Variants in BLOC1S3 observed in about 807,000 individuals in gnomAD.
BLOC1S3 encodes biogenesis of lysosome-related organelles complex 1 subunit 3.
A neutral mutation model predicts 9.1 loss-of-function variants in BLOC1S3; 7 were observed. The ratio of observed to expected loss-of-function variants is 0.77; its 90% confidence interval spans 0.44 to 1.45. BLOC1S3 has a LOEUF of 1.45. Ranked by LOEUF, BLOC1S3 falls within the 40% of genes most tolerant of loss-of-function variation. The pLI is 0.01. For missense variants in BLOC1S3, 307 were observed against 315.2 expected (o/e 0.97, Z 0.20); for synonymous variants, 145 against 158.4 (o/e 0.92, Z 0.64).
Position 45,179,411 on chromosome 19 carries a change from C to G in BLOC1S3, c.115C>G (p.Leu39Val). 6.4e-7 allele frequency: 1 copy of G among 1,563,908 alleles called. No homozygotes were observed. Among genetic ancestry groups the G allele is most frequent in the Non-Finnish European group, 8.6e-7 (1 of 1,162,706 alleles). Residue 39 changes from leucine (L) to valine (V), a missense_variant, in exon 2 of 2, where the codon CTG (leucine) becomes GTG (valine). Transcript: ENST00000433642. The surrounding 1 kb of genome is among the most constrained non-coding windows in gnomAD (Gnocchi z 4.6). ...TGCGTCCTCGTCGGAGGAGGAGGAG[C>G]TGTACCTGGGTCCTTCGGGCCCGAC... ...RSASSSEEEE[L>V]YLGPSGPTRG...
intron 3 of BLOC1S3, among the ~76,000 whole-genome samples, chr19:45,206,353 CAAAA>C (rs529931068): frequency 0.01 from 869 of 83,888 alleles, 8 homozygotes; most frequent in African/African-American, 0.03. Flanking sequence ...GTGAAACTCT[CAAAA>C]AAAAAAAAAA....
intron 3 of BLOC1S3, among the ~76,000 whole-genome samples, chr19:45,212,285 C>T (rs920870047): frequency 1.3e-5 from 2 of 152,230 alleles, no homozygotes; most frequent in Non-Finnish European, 2.9e-5. Context: ...CCCAGCCCGG[C>T]CTTGGGTGTG....
rs1054281226 is a variant in BLOC1S3, at chr19:45,206,450, G to GTTTTTTTTTTTT, written n.282+3955_282+3966dup. On this transcript the variant is annotated intron_variant and non_coding_transcript_variant, in intron 3 of 3. Coordinates refer to the BLOC1S3 transcript ENST00000591569. Reference sequence around the variant, plus strand: ...TTCCACCTTCTTTTGGATTAATCAAGTTTTTTTTTTTTTTTTTTTTTTTGA... The same window carrying GTTTTTTTTTTTT: ...TTCCACCTTCTTTTGGATTAATCAAGTTTTTTTTTTTTTTTTTTTTTTTTTTTTTTTTTTTGA... Among the ~76,000 whole-genome samples the GTTTTTTTTTTTT allele has an allele frequency of 8.5e-4, 47 of 55,132 alleles. 12 individuals are homozygous for GTTTTTTTTTTTT. The highest frequency in any genetic ancestry group is 3.9e-3 in the African/African-American group (41 of 10,610). 36.2% of individuals were successfully genotyped at this position (55,132 alleles called of 152,430 possible). A position where few individuals can be genotyped will look rare whatever the true frequency, so the allele number is the denominator to read the frequency against.
chr19:45,215,971 G>A (rs1015500192), intron 3 of BLOC1S3: 24 of 1,502,300 alleles, frequency 1.6e-5, no homozygotes, highest in South Asian at 5.0e-5. Context: ...CACGCTCACC[G>A]GCTCCCTCCC....
intron 2 of BLOC1S3, among the ~76,000 whole-genome samples, chr19:45,194,050 T>G (rs371372733): frequency 5.2e-5 from 7 of 135,122 alleles, no homozygotes; most frequent in South Asian, 2.5e-4. Flanking sequence ...CGATCCGCCC[T>G]CCTTGGCCTC....
intron 3 of BLOC1S3, among the ~76,000 whole-genome samples, chr19:45,208,584 A>G (rs956406168): frequency 6.6e-6 from 1 of 151,998 alleles, no homozygotes; most frequent in South Asian, 2.1e-4. Context: ...GTGAAACACC[A>G]TCTCTACTAA....
chr19:45,209,821 T>TC (rs921481077), intron 3 of BLOC1S3, among the ~76,000 whole-genome samples: 105 of 152,180 alleles, frequency 6.9e-4, no homozygotes, highest in African/African-American at 2.4e-3. Context: ...AACCTCTGCC[T>TC]CCCGGGTTCA....
intron 2 of BLOC1S3, among the ~76,000 whole-genome samples, chr19:45,197,893 C>T (rs1457465053): frequency 2.0e-5 from 3 of 150,732 alleles, no homozygotes; most frequent in Non-Finnish European, 4.4e-5. Context: ...AATCTCTAGC[C>T]AGCCCTCCTG....
At chr19:45,199,411 G>A (rs1249174267) in intron 2 of BLOC1S3, among the ~76,000 whole-genome samples, 4 of 147,012 alleles carry the variant, frequency 2.7e-5, no homozygotes, top group Non-Finnish European at 6.0e-5. Flanking sequence ...CGCCTCCCGG[G>A]TTCAAGCAAT....
chr19:45,192,611 A>G (rs1969614697), intron 2 of BLOC1S3, among the ~76,000 whole-genome samples: 1 of 152,108 alleles, frequency 6.6e-6, no homozygotes, highest in Admixed American at 6.6e-5. Flanking sequence ...CTGATTATTC[A>G]AGGGTCCTTT....
chr19:45,192,119 T>A (rs1351236014), intron 2 of BLOC1S3, among the ~76,000 whole-genome samples: 1 of 152,156 alleles, frequency 6.6e-6, no homozygotes, highest in Admixed American at 6.5e-5. Context: ...CTACTGTGGC[T>A]GAGCTGGCAC....
In BLOC1S3 at chr19:45,179,427, C is replaced by G; in HGVS notation, c.131C>G (p.Ser44Trp). The change falls in exon 2 of 2, where the codon TCG becomes TGG. Residue 44 changes from serine to tryptophan, a missense_variant. By Grantham distance (177) the Ser-to-Trp change is radical (BLOSUM62 -3). Coordinates refer to ENST00000433642, the MANE Select transcript of BLOC1S3 (RefSeq NM_212550.5). The surrounding 1 kb of genome is among the most constrained non-coding windows in gnomAD (Gnocchi z 4.6). Reference protein sequence around the residue: ...SEEEELYLGPSGPTRGRPTGL... With the variant: ...SEEEELYLGPWGPTRGRPTGL... ...GAGGAGGAGCTGTACCTGGGTCCTT[C>G]GGGCCCGACGCGCGGCCGCCCCACG... The G allele has an allele frequency of 6.5e-7, 1 of 1,534,042 alleles. No homozygotes were observed. Among genetic ancestry groups the G allele is most frequent in the Non-Finnish European group, 8.7e-7 (1 of 1,147,276 alleles).
At chr19:45,200,116 T>C (rs1444658290) in intron 2 of BLOC1S3, among the ~76,000 whole-genome samples, 2 of 152,066 alleles carry the variant, frequency 1.3e-5, no homozygotes, top group East Asian at 1.9e-4. Context: ...ATTCTTCAGG[T>C]TGATCAATTC....
chr19:45,200,920 G>A (rs1274568124), intron 2 of BLOC1S3, among the ~76,000 whole-genome samples: 1 of 152,208 alleles, frequency 6.6e-6, no homozygotes, highest in Non-Finnish European at 1.5e-5. Context: ...TAGAGGTGCT[G>A]GCCAGGCGCA....
intron 3 of BLOC1S3, among the ~76,000 whole-genome samples, chr19:45,206,225 C>T (rs1487823197): frequency 3.3e-5 from 5 of 151,746 alleles, no homozygotes; most frequent in Non-Finnish European, 1.5e-5. Context: ...GGCATGGTGG[C>T]GTATGCCTGT....
upstream of BLOC1S3, among the ~76,000 whole-genome samples, chr19:45,187,126 G>A (rs942699930): frequency 6.6e-6 from 1 of 152,120 alleles, no homozygotes; most frequent in Non-Finnish European, 1.5e-5. Context: ...CAGGCTGGGA[G>A]AATTCCAGGA....
chr19:45,183,688 G>A (rs369669459), downstream of BLOC1S3, among the ~76,000 whole-genome samples: 8 of 144,060 alleles, frequency 5.6e-5, no homozygotes, highest in South Asian at 1.4e-3. Flanking sequence ...GTGCAGTGGC[G>A]AGATCTCAGC....
In BLOC1S3 at chr19:45,213,327, G is replaced by C. The variant is rs1422201408; in HGVS notation, n.283-3349G>C. 5.0e-6 allele frequency: 8 copies of C among 1,613,762 alleles called. No individual in the cohort carries two copies. In the East Asian group the frequency reaches 1.6e-4, roughly 31 times the overall value. On this transcript the variant is annotated intron_variant and non_coding_transcript_variant, in intron 3 of 3. Transcript: ENST00000591569. ...GGGCGGCTGTGTTGCGCAGGCCACGGATGTCGAGGAGGGCTGCCACGTGCT... is the reference window on the plus strand; with the variant it reads ...GGGCGGCTGTGTTGCGCAGGCCACGCATGTCGAGGAGGGCTGCCACGTGCT...
chr19:45,179,251 C>G lies in BLOC1S3; in HGVS notation c.-9-37C>G, dbSNP rs1969467585. 1 of 1,477,536 alleles carries G rather than the reference C, an allele frequency of 6.8e-7. No homozygotes were observed. Among genetic ancestry groups the G allele is most frequent in the Non-Finnish European group, 8.9e-7 (1 of 1,118,720 alleles). 91.5% of individuals were successfully genotyped at this position (1,477,536 alleles called of 1,614,324 possible). A position where few individuals can be genotyped will look rare whatever the true frequency, so the allele number is the denominator to read the frequency against. ...CTGCGCCTTTTACCCACCGCGGCGC[C>G]GGTCTCACGTGCAGTCCCTTCGCTC... On this transcript the variant is annotated intron_variant, in intron 1 of 1. Coordinates refer to ENST00000433642, the MANE Select transcript of BLOC1S3 (RefSeq NM_212550.5). The surrounding 1 kb of genome is among the most constrained non-coding windows in gnomAD (Gnocchi z 4.6).
Sources: allele counts gnomAD v4.1 joint callset (sites outside exome capture counted in the v4.1 genomes callset), GRCh38; gene constraint gnomAD v4.1.1; non-coding constraint Gnocchi (gnomAD v3.1); transcripts MANE v1.5; gene names NCBI Gene and HGNC (gene_info 2026-07-23, HGNC 2026-07-21).